Variants in PHLDB2 observed in about 807,000 individuals in gnomAD.
PHLDB2 encodes the protein pleckstrin homology like domain family B member 2, also known as pleckstrin homology-like domain family B member 2.
A neutral mutation model predicts 123.6 loss-of-function variants in PHLDB2; 71 were observed. The observed-to-expected ratio is 0.57, with a 90% CI of 0.47 to 0.70. PHLDB2 has a LOEUF of 0.70. Among genes scored for constraint, PHLDB2 ranks in the 30% least tolerant of loss-of-function variants. The pLI, the probability that PHLDB2 is intolerant of heterozygous loss-of-function variation, is 0.00. For synonymous variants in PHLDB2, 547 were observed against 541.6 expected, an observed-to-expected ratio of 1.01 and a Z score of -0.14; for missense variants, 1,446 against 1,519.5, an observed-to-expected ratio of 0.95 and a Z score of 0.80.
intron 1 of PHLDB2, among the ~76,000 whole-genome samples, chr3:111,839,071 G>T (rs1310076732): frequency 2.0e-5 from 3 of 151,960 alleles, no homozygotes; most frequent in Non-Finnish European, 4.4e-5. Flanking sequence ...TATATGTCTG[G>T]CAGGATGGGT....
intron 2 of PHLDB2, among the ~76,000 whole-genome samples, chr3:111,853,957 A>G (rs1479319817): frequency 6.6e-6 from 1 of 152,174 alleles, no homozygotes; most frequent in Non-Finnish European, 1.5e-5. Flanking sequence ...TTACTTGGCT[A>G]TTGTATTAGT....
intron 1 of PHLDB2, among the ~76,000 whole-genome samples, chr3:111,814,561 T>G (rs548968234): frequency 6.6e-6 from 1 of 152,200 alleles, no homozygotes; most frequent in East Asian, 1.9e-4. Context: ...ATGTTAAGTT[T>G]TCTACATAGA....
chr3:111,765,416 C>A (rs2060062683), intron 1 of PHLDB2, among the ~76,000 whole-genome samples: 1 of 152,204 alleles, frequency 6.6e-6, no homozygotes, highest in Non-Finnish European at 1.5e-5. Context: ...TCATACAGCA[C>A]TTTAAAGCTG....
intron 1 of PHLDB2, among the ~76,000 whole-genome samples, chr3:111,763,376 T>C (rs1559818661): frequency 6.6e-6 from 1 of 152,194 alleles, no homozygotes; most frequent in Admixed American, 6.5e-5. Context: ...ACTTTCTAGC[T>C]GGGTGACCTA....
chr3:111,939,437 T>C, intron 6 of PHLDB2, 38 bp from the exon 7 acceptor site: 1 of 1,575,962 alleles, frequency 6.3e-7, no homozygotes, highest in Non-Finnish European at 8.6e-7. Flanking sequence ...GTGGTAGTTA[T>C]CTCAGTGTGT....
At chr3:111,940,240 ATGT>A (rs758579920) in intron 7 of PHLDB2, among the ~76,000 whole-genome samples, 1 of 152,210 alleles carries the variant, frequency 6.6e-6, no homozygotes, top group Non-Finnish European at 1.5e-5. Flanking sequence ...CGTACCCAAG[ATGT>A]TGTAAAAAAT....
intron 1 of PHLDB2, among the ~76,000 whole-genome samples, chr3:111,872,353 G>A (rs1184559636): frequency 6.6e-6 from 1 of 152,202 alleles, no homozygotes; most frequent in Non-Finnish European, 1.5e-5. Flanking sequence ...AAGACAGGCT[G>A]TAAACTTTGG....
intron 1 of PHLDB2, among the ~76,000 whole-genome samples, chr3:111,873,948 A>G (rs1391444788): frequency 1.3e-5 from 2 of 152,234 alleles, no homozygotes; most frequent in African/African-American, 4.8e-5. Flanking sequence ...ATTATTAAAT[A>G]TAGTTCATAC....
chr3:111,847,774 A>C (rs1239930496), intron 2 of PHLDB2, among the ~76,000 whole-genome samples: 1 of 152,188 alleles, frequency 6.6e-6, no homozygotes, highest in Non-Finnish European at 1.5e-5. Flanking sequence ...AAAAGTGGGG[A>C]AATACCAGGT....
chr3:111,902,628 A>C (rs556104605), intron 2 of PHLDB2, among the ~76,000 whole-genome samples: 16 of 152,258 alleles, frequency 1.1e-4, no homozygotes, highest in African/African-American at 3.9e-4. Flanking sequence ...AAGTAACAGT[A>C]AATATTTATT....
chr3:111,759,034 G>A (rs773191423), intron 1 of PHLDB2, among the ~76,000 whole-genome samples: 1 of 152,066 alleles, frequency 6.6e-6, no homozygotes, highest in Non-Finnish European at 1.5e-5. Flanking sequence ...ATATTTTAAG[G>A]AAGAAAGGAG....
intron 1 of PHLDB2, among the ~76,000 whole-genome samples, chr3:111,825,675 T>C (rs2062619245): frequency 6.6e-6 from 1 of 152,238 alleles, no homozygotes; most frequent in Admixed American, 6.5e-5. Flanking sequence ...TTCAAACTCC[T>C]GGACTCAAGT....
intron 1 of PHLDB2, among the ~76,000 whole-genome samples, chr3:111,797,848 A>T (rs1306288311): frequency 6.6e-6 from 1 of 152,210 alleles, no homozygotes; most frequent in Non-Finnish European, 1.5e-5. Flanking sequence ...GTAGAGAAAT[A>T]GGGTAGGGTG....
intron 1 of PHLDB2, among the ~76,000 whole-genome samples, chr3:111,737,483 A>G (rs2107911187): frequency 6.6e-6 from 1 of 152,246 alleles, no homozygotes; most frequent in South Asian, 2.1e-4. Flanking sequence ...CCTCCTCTCT[A>G]CAGTTCCAAG....
chr3:111,941,201 A>G (rs962738546), intron 8 of PHLDB2, among the ~76,000 whole-genome samples: 3 of 152,200 alleles, frequency 2.0e-5, no homozygotes, highest in African/African-American at 4.8e-5. Context: ...TTCTGGTCCA[A>G]CACCTAAAGT....
At chr3:111,834,262 AT>A (rs2063287489) in intron 1 of PHLDB2, among the ~76,000 whole-genome samples, 1 of 114,782 alleles carries the variant, frequency 8.7e-6, no homozygotes, top group African/African-American at 3.1e-5. Flanking sequence ...ATATAATTCT[AT>A]TATATACATA....
intron 1 of PHLDB2, among the ~76,000 whole-genome samples, chr3:111,866,014 A>ATT (rs61038523): frequency 0.2 from 11,557 of 56,906 alleles, 2,466 homozygotes; most frequent in Non-Finnish European, 0.23. Context: ...CCACCCACTC[A>ATT]TTTTTTTTTT....
intron 5 of PHLDB2, among the ~76,000 whole-genome samples, chr3:111,930,540 G>T (rs2069082661): frequency 6.6e-6 from 1 of 152,074 alleles, no homozygotes; most frequent in Non-Finnish European, 1.5e-5. Flanking sequence ...AATCTTTGAT[G>T]CACACACATA....
At chr3:111,838,403 G>A (rs929701165) in intron 1 of PHLDB2, among the ~76,000 whole-genome samples, 4 of 152,212 alleles carry the variant, frequency 2.6e-5, no homozygotes, top group South Asian at 2.1e-4. Flanking sequence ...TTTCCAAACT[G>A]TTCTCAGAAA....
Sources: allele counts gnomAD v4.1 joint callset (sites outside exome capture counted in the v4.1 genomes callset), GRCh38; gene constraint gnomAD v4.1.1; transcripts MANE v1.5; gene names NCBI Gene and HGNC (gene_info 2026-07-23, HGNC 2026-07-21).